The following SENP7 variants were observed in gnomAD, a reference collection of about 807,000 sequenced individuals.
SENP7 encodes sentrin-specific protease 7.
A neutral mutation model predicts 141.2 loss-of-function variants in SENP7; 64 were observed. The observed-to-expected ratio is 0.45, with a 90% CI of 0.37 to 0.56. The LOEUF (loss-of-function observed/expected upper bound fraction) is 0.56. Ranked by LOEUF, SENP7 falls within the 20% of genes least tolerant of loss-of-function variation. SENP7 has a pLI of 0.00. For missense variants in SENP7, 1,025 were observed against 1,212.2 expected (o/e 0.85, Z 2.29); for synonymous variants, 382 against 426.4 (o/e 0.90, Z 1.28).
At chr3:101,368,651 C>G (rs528672813) in intron 7 of SENP7, among the ~76,000 whole-genome samples, 20 of 151,650 alleles carry the variant, frequency 1.3e-4, no homozygotes, top group Non-Finnish European at 2.5e-4. Context: ...TTAATGGGTG[C>G]AGCACACCAA....
chr3:101,510,518 T>C (rs2065806672), intron 1 of SENP7, among the ~76,000 whole-genome samples: 1 of 152,150 alleles, frequency 6.6e-6, no homozygotes, highest in South Asian at 2.1e-4. Flanking sequence ...GTTTTATTAA[T>C]CAAACTCTTC....
At chr3:101,369,340 C>T (rs537306429) in intron 7 of SENP7, among the ~76,000 whole-genome samples, 208 of 152,258 alleles carry the variant, frequency 1.4e-3, no homozygotes, top group Non-Finnish European at 2.2e-3. Context: ...TCTTCAACAC[C>T]ATACATCTTC....
At chr3:101,462,370 C>T (rs150297760) in intron 3 of SENP7, among the ~76,000 whole-genome samples, 57 of 151,428 alleles carry the variant, frequency 3.8e-4, no homozygotes, top group African/African-American at 1.2e-3. Context: ...GGAGAAACCC[C>T]GTCTCTACTA....
chr3:101,496,461 GC>G (rs2065161107), intron 2 of SENP7, among the ~76,000 whole-genome samples: 1 of 151,912 alleles, frequency 6.6e-6, no homozygotes, highest in Non-Finnish European at 1.5e-5. Context: ...TTACTTTGTT[GC>G]CCAGGCTAGT....
intron 6 of SENP7, among the ~76,000 whole-genome samples, chr3:101,395,971 T>C: frequency 6.6e-6 from 1 of 152,250 alleles, no homozygotes; most frequent in East Asian, 1.9e-4. Context: ...TCTCCTTATA[T>C]CTGCACACTA....
chr3:101,341,464 T>C (rs2059324078), intron 15 of SENP7, among the ~76,000 whole-genome samples, 182 bp downstream of exon 15: 1 of 152,236 alleles, frequency 6.6e-6, no homozygotes, highest in Non-Finnish European at 1.5e-5. Flanking sequence ...AAATGGCACC[T>C]ATTGTTTTCT....
intron 6 of SENP7, among the ~76,000 whole-genome samples, chr3:101,385,586 T>G (rs190245454): frequency 6.6e-6 from 1 of 152,282 alleles, no homozygotes; most frequent in Non-Finnish European, 1.5e-5. Context: ...GAATACATCT[T>G]GTGACCCTCT....
rs145352249 is a variant in SENP7, at chr3:101,483,171, T to C, written c.186+10702A>G. The stretch of plus-strand genomic sequence containing the variant: ...ATGTTTACTGCAGCGCTATTTACAA[T>C]AGCAAAGACATGGAATCAACCTAGG... On this transcript the variant is annotated intron_variant, in intron 3 of 23. Coordinates refer to ENST00000394095, the MANE Select transcript of SENP7 (RefSeq NM_020654.5). Among the ~76,000 whole-genome samples the C allele has an allele frequency of 2.6e-3, 398 of 152,106 alleles. 1 individual carries two copies. The highest frequency in any genetic ancestry group is 9.2e-3 in the African/African-American group (382 of 41,500).
chr3:101,417,050 T>C (rs9845216), intron 5 of SENP7, among the ~76,000 whole-genome samples: 60,319 of 151,928 alleles, frequency 0.4, 12,495 homozygotes, highest in Admixed American at 0.54. Context: ...AAATTGGTCT[T>C]GTTACTCTAC....
chr3:101,463,636 C>T lies in SENP7; in HGVS notation c.187-4584G>A, dbSNP rs73865639. 9.3e-3 allele frequency among the ~76,000 whole-genome samples: 1,400 copies of T among 151,302 alleles called. 24 individuals carry two copies. The highest frequency in any genetic ancestry group is 0.032 in the African/African-American group (1,326 of 41,210). ...TACCAAACCTGCAATCTAACCAAGA[C>T]CCAGAGACCTGCAACTTAATATTCA... On this transcript the variant is annotated intron_variant, in intron 3 of 23. Coordinates refer to ENST00000394095, the MANE Select transcript of SENP7 (RefSeq NM_020654.5).
chr3:101,390,876 T>A (rs2060798645), intron 6 of SENP7, among the ~76,000 whole-genome samples: 1 of 152,250 alleles, frequency 6.6e-6, no homozygotes, highest in East Asian at 1.9e-4. Context: ...AATAACTTTT[T>A]AAAAATCAAA....
chr3:101,353,394 G>A (rs776346951), intron 11 of SENP7, among the ~76,000 whole-genome samples: 6 of 151,882 alleles, frequency 4.0e-5, no homozygotes, highest in Admixed American at 1.3e-4. Context: ...TCAAATGCTC[G>A]GGAGCTATCA....
chr3:101,453,631 C>A (rs1395549573), intron 4 of SENP7, among the ~76,000 whole-genome samples: 2 of 152,186 alleles, frequency 1.3e-5, no homozygotes, highest in East Asian at 3.9e-4. Flanking sequence ...AAACTAAACA[C>A]CGCATGTTCT....
intron 3 of SENP7, among the ~76,000 whole-genome samples, chr3:101,471,243 T>C (rs1216923091): frequency 6.6e-6 from 1 of 152,164 alleles, no homozygotes; most frequent in Non-Finnish European, 1.5e-5. Flanking sequence ...ACTACCTGAC[T>C]TCAAACTATA....
At chr3:101,408,833 T>C (rs943876306) in intron 5 of SENP7, among the ~76,000 whole-genome samples, 2 of 152,118 alleles carry the variant, frequency 1.3e-5, no homozygotes, top group East Asian at 1.9e-4. Context: ...TAATACTGAA[T>C]GGGGAAAAGT....
At chr3:101,419,487 T>A (rs1036968726) in intron 4 of SENP7, among the ~76,000 whole-genome samples, 2 of 151,796 alleles carry the variant, frequency 1.3e-5, no homozygotes, top group Non-Finnish European at 2.9e-5. Flanking sequence ...TTATCAGAGG[T>A]AGTTTAGAAG....
intron 4 of SENP7, among the ~76,000 whole-genome samples, chr3:101,453,902 A>C (rs1434056886): frequency 6.6e-6 from 1 of 152,146 alleles, no homozygotes; most frequent in East Asian, 1.9e-4. Context: ...ATGACCAATT[A>C]GCACATGAAA....
chr3:101,448,630 C>T (rs2062991796), intron 4 of SENP7, among the ~76,000 whole-genome samples: 1 of 152,106 alleles, frequency 6.6e-6, no homozygotes, highest in African/African-American at 2.4e-5. Flanking sequence ...GGGTGCCTCC[C>T]AGTTAGGCTA....
At chr3:101,349,480 C>T (rs1481015447) in intron 12 of SENP7, among the ~76,000 whole-genome samples, 1 of 152,076 alleles carries the variant, frequency 6.6e-6, no homozygotes, top group African/African-American at 2.4e-5. Flanking sequence ...TCAATTCCCA[C>T]CTATGAGTGA....
Sources: allele counts gnomAD v4.1 joint callset (sites outside exome capture counted in the v4.1 genomes callset), GRCh38; gene constraint gnomAD v4.1.1; transcripts MANE v1.5; gene names NCBI Gene and HGNC (gene_info 2026-07-23, HGNC 2026-07-21).